Variants in CD109 observed in about 807,000 individuals in gnomAD.
The protein encoded by CD109 is CD109 molecule, also known as CD109 antigen.
CD109 carries 149 observed loss-of-function variants against 165.8 expected under a neutral mutation model. The observed-to-expected ratio is 0.90, with a 90% confidence interval of 0.79 to 1.03. The LOEUF is 1.03. CD109 is among the 50% of genes least tolerant of loss of function. The pLI is 0.00. For synonymous variants in CD109, 585 were observed against 592.1 expected, an observed-to-expected ratio of 0.99 and a Z score of 0.18; for missense variants, 1,712 against 1,677.8, an observed-to-expected ratio of 1.02 and a Z score of -0.36.
intron 2 of CD109, among the ~76,000 whole-genome samples, chr6:73,711,344 G>C (rs1185998441): frequency 6.6e-6 from 1 of 151,958 alleles, no homozygotes; most frequent in Non-Finnish European, 1.5e-5. Context: ...ATATTTGTAA[G>C]CAAAGGGAAA....
At chr6:73,796,884 CA>C (rs1339822596) in intron 23 of CD109, among the ~76,000 whole-genome samples, 7 of 152,004 alleles carry the variant, frequency 4.6e-5, no homozygotes, top group African/African-American at 1.7e-4. Flanking sequence ...TGGAGCTCCC[CA>C]AAAATACATC....
At chr6:73,756,509 A>G (rs1488567035) in intron 5 of CD109, 134 bp from the exon 6 acceptor site, 10 of 614,142 alleles carry the variant, frequency 1.6e-5, no homozygotes, top group African/African-American at 1.4e-4. Flanking sequence ...AAAATAAACA[A>G]GTTTGTTCAT....
chr6:73,738,497 T>C (rs1772630558), intron 5 of CD109, among the ~76,000 whole-genome samples: 1 of 152,332 alleles, frequency 6.6e-6, no homozygotes, highest in Admixed American at 6.5e-5. Context: ...GTTCATTGAA[T>C]GGTGGACAGA....
At chr6:73,782,208 T>C (rs1774534461) in intron 17 of CD109, among the ~76,000 whole-genome samples, 1 of 152,176 alleles carries the variant, frequency 6.6e-6, no homozygotes, top group South Asian at 2.1e-4. Context: ...TAAAAGATAA[T>C]TTTATAGTCT....
chr6:73,704,926 G>A (rs560245885), intron 2 of CD109, among the ~76,000 whole-genome samples: 5 of 152,200 alleles, frequency 3.3e-5, no homozygotes, highest in Admixed American at 3.3e-4. Flanking sequence ...CCTGTGCCTG[G>A]TACTATTATC....
intron 5 of CD109, among the ~76,000 whole-genome samples, chr6:73,741,199 G>T (rs1362138439): frequency 6.6e-6 from 1 of 151,922 alleles, no homozygotes; most frequent in African/African-American, 2.4e-5. Flanking sequence ...TTTAGTAAGA[G>T]CCCTGGCTCT....
At chr6:73,767,935 A>G in intron 13 of CD109, 120 bp from the exon 14 acceptor site, 1 of 813,652 alleles carries the variant, frequency 1.2e-6, no homozygotes, top group Non-Finnish European at 2.0e-6. Flanking sequence ...ATTCCAAAAG[A>G]CTTTGAAGCT....
chr6:73,685,947 G>C, the CD109 span, among the ~76,000 whole-genome samples: 1 of 152,204 alleles, frequency 6.6e-6, no homozygotes, highest in Admixed American at 6.5e-5. Flanking sequence ...GCTAGGACTT[G>C]TAGTACTATA....
intron 2 of CD109, among the ~76,000 whole-genome samples, chr6:73,715,384 G>C (rs368145483): frequency 6.6e-6 from 1 of 151,810 alleles, no homozygotes; most frequent in East Asian, 1.9e-4. Context: ...GCAACATAAT[G>C]AGCCCCCATT....
intron 23 of CD109, among the ~76,000 whole-genome samples, chr6:73,796,874 T>A (rs1224962965): frequency 6.6e-6 from 1 of 152,168 alleles, no homozygotes; most frequent in Non-Finnish European, 1.5e-5. Context: ...GTCAGCACAG[T>A]GGAGCTCCCC....
chr6:73,710,648 T>C (rs1398705183), intron 2 of CD109, among the ~76,000 whole-genome samples: 2 of 152,180 alleles, frequency 1.3e-5, no homozygotes, highest in Non-Finnish European at 2.9e-5. Flanking sequence ...TTAATACTGA[T>C]GCCTGACCAC....
intron 2 of CD109, among the ~76,000 whole-genome samples, chr6:73,714,486 C>T (rs1004442809): frequency 1.3e-5 from 2 of 152,198 alleles, no homozygotes; most frequent in East Asian, 1.9e-4. Context: ...GCAGTTTCCC[C>T]CTTTCCCTTC....
chr6:73,717,318 A>G (rs1180706273), intron 2 of CD109, among the ~76,000 whole-genome samples: 1 of 150,996 alleles, frequency 6.6e-6, no homozygotes, highest in Admixed American at 6.6e-5. Flanking sequence ...GAAGAATGCC[A>G]TTGGTATTTT....
chr6:73,762,611 G>C, intron 8 of CD109, 130 bp from the exon 9 acceptor site: 1 of 964,774 alleles, frequency 1.0e-6, no homozygotes, highest in Non-Finnish European at 1.5e-6. Flanking sequence ...TTGAACAAAT[G>C]AGAATTTATG....
rs770996662 is a variant in CD109, at chr6:73,762,796, A to G, written c.911A>G (p.Asp304Gly). The G allele has an allele frequency of 1.2e-6, 2 of 1,610,566 alleles. No individual in the cohort carries two copies. The highest frequency in any genetic ancestry group is 8.5e-7 in the Non-Finnish European group (1 of 1,177,142). The change falls in exon 9 of 33, where the codon GAT becomes GGT. Residue 304 changes from aspartate to glycine, a missense_variant. Physicochemically the swap from Asp to Gly is moderately conservative, Grantham distance 94 (BLOSUM62 -1). Coordinates refer to ENST00000287097, the MANE Select transcript of CD109 (RefSeq NM_133493.5). ...FNDEEMKNVM[D>G]SSNGLSEYLD... ...GATGAAGAGATGAAAAATGTAATGG[A>G]TTCTTCAAATGGACTTTCTGAATAC...
chr6:73,724,909 T>C (rs1210367334), intron 3 of CD109, among the ~76,000 whole-genome samples: 2 of 152,202 alleles, frequency 1.3e-5, no homozygotes, highest in African/African-American at 4.8e-5. Context: ...GCCCACTTAG[T>C]ACCTTTTGAA....
At chr6:73,723,390 A>G (rs1356573109) in intron 3 of CD109, 111 bp downstream of exon 3, 1 of 880,012 alleles carries the variant, frequency 1.1e-6, no homozygotes, top group Non-Finnish European at 1.8e-6. Flanking sequence ...CGTTTCATGT[A>G]AGTTTGGCTT....
chr6:73,811,222 CTGTT>C, intron 28 of CD109, 75 bp downstream of exon 28: 3 of 1,461,950 alleles, frequency 2.1e-6, no homozygotes, highest in Non-Finnish European at 2.8e-6. Context: ...TATTTGTAAT[CTGTT>C]GATTTCAACA....
intron 2 of CD109, among the ~76,000 whole-genome samples, chr6:73,716,584 C>T (rs1226818735): frequency 6.6e-6 from 1 of 152,078 alleles, no homozygotes. Flanking sequence ...TGTCTTCTTT[C>T]GAGAAATGTC....
Sources: allele counts gnomAD v4.1 joint callset (sites outside exome capture counted in the v4.1 genomes callset), GRCh38; gene constraint gnomAD v4.1.1; transcripts MANE v1.5; gene names NCBI Gene and HGNC (gene_info 2026-07-23, HGNC 2026-07-21).